PCSK2: variants seen among roughly 807,000 people sequenced by gnomAD.
The protein encoded by PCSK2 is proprotein convertase subtilisin/kexin type 2.
PCSK2 carries 14 observed loss-of-function variants against 69.7 expected under a neutral mutation model. That is an observed-to-expected ratio of 0.20 (90% confidence interval 0.13 to 0.31). The LOEUF (loss-of-function observed/expected upper bound fraction) is 0.31, where lower values mean the gene tolerates loss of function less well. Ranked by LOEUF, PCSK2 falls within the 10% of genes least tolerant of loss-of-function variation. The pLI, the probability that PCSK2 is intolerant of heterozygous loss-of-function variation, is 1.00. For synonymous variants in PCSK2, 307 were observed against 320.7 expected, an observed-to-expected ratio of 0.96 and a Z score of 0.46; for missense variants, 544 against 842.5, an observed-to-expected ratio of 0.65 and a Z score of 4.39.
intron 1 of PCSK2, among the ~76,000 whole-genome samples, chr20:17,238,147 G>A (rs1027011215): frequency 2.6e-5 from 4 of 152,190 alleles, no homozygotes; most frequent in Non-Finnish European, 5.9e-5. Context: ...ATGAAGGAAA[G>A]CATCAAGTGT....
chr20:17,438,734 A>C (rs1279525094), intron 8 of PCSK2, among the ~76,000 whole-genome samples: 1 of 152,182 alleles, frequency 6.6e-6, no homozygotes, highest in Non-Finnish European at 1.5e-5. Context: ...CTTCTCTCCC[A>C]GAAAGTTATG....
At chr20:17,333,627 T>C (rs1469459378) in intron 2 of PCSK2, among the ~76,000 whole-genome samples, 1 of 152,016 alleles carries the variant, frequency 6.6e-6, no homozygotes, top group Non-Finnish European at 1.5e-5. Flanking sequence ...TGGGATATTA[T>C]TGCTCATTTG....
chr20:17,378,084 G>T (rs899496614), intron 5 of PCSK2, among the ~76,000 whole-genome samples: 3 of 152,108 alleles, frequency 2.0e-5, no homozygotes, highest in Non-Finnish European at 4.4e-5. Flanking sequence ...CCTGACCTTG[G>T]GGGGTTCACA....
At chr20:17,434,183 T>C (rs1378389902) in intron 7 of PCSK2, among the ~76,000 whole-genome samples, 1 of 23,934 alleles carries the variant, frequency 4.2e-5, no homozygotes, top group Non-Finnish European at 7.5e-5. Flanking sequence ...TCTCTCCCTC[T>C]ATCTACGCTC....
At position 17,360,640 on chromosome 20, in the gene PCSK2, G is replaced by A; in HGVS notation, c.505G>A (p.Gly169Arg). The A allele has an allele frequency of 6.4e-7, 1 of 1,563,108 alleles. No individual in the cohort carries two copies. Among genetic ancestry groups the A allele is most frequent in the South Asian group, 1.1e-5 (1 of 89,382 alleles). Residue 169 changes from glycine to arginine, a missense_variant and splice_region_variant, in exon 4 of 12, where the codon GGG (glycine) becomes AGG (arginine). Transcript: ENST00000262545. ...KGVTIGIMDD[G>R]IDYLHPDLAS... Reference sequence around the variant, plus strand: ...TGTTACCATTGGAATTATGGATGATGGTGAGTATTTTGAAGCCTGTGCCTC... The same window carrying A: ...TGTTACCATTGGAATTATGGATGATAGTGAGTATTTTGAAGCCTGTGCCTC...
chr20:17,420,247 T>TA (rs1315686607), intron 6 of PCSK2, among the ~76,000 whole-genome samples: 1 of 152,238 alleles, frequency 6.6e-6, no homozygotes, highest in Admixed American at 6.5e-5. Context: ...TGTAAGCTGA[T>TA]ACCTTACCCT....
intron 1 of PCSK2, among the ~76,000 whole-genome samples, chr20:17,229,184 A>G (rs1460801448): frequency 6.6e-6 from 1 of 151,904 alleles, no homozygotes; most frequent in African/African-American, 2.4e-5. Context: ...TACTATCATT[A>G]TTGAGCCTAT....
At chr20:17,400,908 C>G (rs2031622200) in intron 5 of PCSK2, among the ~76,000 whole-genome samples, 1 of 152,144 alleles carries the variant, frequency 6.6e-6, no homozygotes, top group South Asian at 2.1e-4. Context: ...TAACTCATCC[C>G]CAGTGTTGGA....
chr20:17,383,429 C>T (rs986566956), intron 5 of PCSK2, among the ~76,000 whole-genome samples: 3 of 152,142 alleles, frequency 2.0e-5, no homozygotes, highest in African/African-American at 7.2e-5. Flanking sequence ...AACCAAAAAA[C>T]AGAAAGCCTC....
chr20:17,271,341 G>A (rs865929772), intron 2 of PCSK2, among the ~76,000 whole-genome samples: 1 of 151,906 alleles, frequency 6.6e-6, no homozygotes. Context: ...ATTGGGATTT[G>A]GTTTAAGATT....
chr20:17,268,456 T>C (rs890941482), intron 2 of PCSK2, among the ~76,000 whole-genome samples: 10 of 151,988 alleles, frequency 6.6e-5, no homozygotes, highest in Non-Finnish European at 1.3e-4. Context: ...GGCATTTAAA[T>C]ATAGACCTGA....
intron 6 of PCSK2, among the ~76,000 whole-genome samples, chr20:17,414,625 G>A (rs868356773): frequency 4.6e-5 from 7 of 152,064 alleles, no homozygotes; most frequent in South Asian, 2.1e-4. Context: ...AGCGGTTACC[G>A]TTCCTTGTGA....
intron 2 of PCSK2, among the ~76,000 whole-genome samples, chr20:17,286,952 A>G (rs1370414414): frequency 6.6e-6 from 1 of 152,250 alleles, no homozygotes; most frequent in Non-Finnish European, 1.5e-5. Flanking sequence ...GGCAAGTCCA[A>G]AATCTGCAGG....
intron 2 of PCSK2, among the ~76,000 whole-genome samples, chr20:17,334,066 C>G (rs769584262): frequency 2.6e-5 from 4 of 151,816 alleles, no homozygotes; most frequent in Non-Finnish European, 5.9e-5. Context: ...CCAAGTAACA[C>G]AGCTTGTCAG....
intron 3 of PCSK2, among the ~76,000 whole-genome samples, chr20:17,359,710 C>A (rs1428845306): frequency 6.6e-6 from 1 of 152,142 alleles, no homozygotes; most frequent in Non-Finnish European, 1.5e-5. Context: ...TTTTAAAGAG[C>A]CCCAATGACA....
chr20:17,364,914 G>A (rs1046463375), intron 4 of PCSK2, among the ~76,000 whole-genome samples: 1 of 152,060 alleles, frequency 6.6e-6, no homozygotes, highest in African/African-American at 2.4e-5. Context: ...AGCTCAGCTG[G>A]GACCGTCAAA....
intron 11 of PCSK2, among the ~76,000 whole-genome samples, chr20:17,476,509 C>A (rs1291327736): frequency 6.6e-6 from 1 of 152,116 alleles, no homozygotes; most frequent in Non-Finnish European, 1.5e-5. Flanking sequence ...CGTAGAGTGT[C>A]CTATTGGCCA....
At chr20:17,272,542 T>C (rs1031433745) in intron 2 of PCSK2, among the ~76,000 whole-genome samples, 1 of 152,118 alleles carries the variant, frequency 6.6e-6, no homozygotes, top group Non-Finnish European at 1.5e-5. Flanking sequence ...AAGATTTTAT[T>C]AGATTTGGAT....
In PCSK2 at chr20:17,297,835, C is replaced by T. The variant is rs1042851226; in HGVS notation, c.282+37491C>T. Among the ~76,000 whole-genome samples the T allele has an allele frequency of 2.6e-5, 4 of 152,064 alleles. No individual in the cohort carries two copies. In the East Asian group the frequency reaches 7.7e-4, roughly 29 times the overall value. ...GCTCATTCCTTCATTTTTTGCCTTCCTATGTCAGTTATTTTTAAGCTAATT... is the reference window on the plus strand; with the variant it reads ...GCTCATTCCTTCATTTTTTGCCTTCTTATGTCAGTTATTTTTAAGCTAATT... On this transcript the variant is annotated intron_variant, in intron 2 of 11. Transcript: ENST00000262545.
Sources: allele counts gnomAD v4.1 joint callset (sites outside exome capture counted in the v4.1 genomes callset), GRCh38; gene constraint gnomAD v4.1.1; transcripts MANE v1.5; gene names NCBI Gene and HGNC (gene_info 2026-07-23, HGNC 2026-07-21).